Variants in AR observed in about 807,000 individuals in gnomAD.
AR encodes dihydrotestosterone receptor.
In AR, 8 loss-of-function variants were observed where a neutral mutation model predicts 53.9. That is an observed-to-expected ratio of 0.15 (90% confidence interval 0.09 to 0.27). The LOEUF (loss-of-function observed/expected upper bound fraction) is 0.27, where lower values mean the gene tolerates loss of function less well. Among genes scored for constraint, AR ranks in the 10% least tolerant of loss-of-function variants. The pLI, the probability that AR is intolerant of heterozygous loss-of-function variation, is 1.00. For synonymous variants in AR, 359 were observed against 316.4 expected, an observed-to-expected ratio of 1.13 and a Z score of -1.43; for missense variants, 639 against 742.5, an observed-to-expected ratio of 0.86 and a Z score of 1.62.
rs7054901 is a variant in AR at position 67,640,885 on chromosome X, C to G, written c.1617-2371C>G. ...AATAATCCCATCTTTGAAGTGCATC[C>G]TCATCTTTAGCAGTCTGCACTCTGC... is the stretch of plus-strand genomic sequence containing the variant. On this transcript the variant is annotated intron_variant, in intron 1 of 7. Transcript: ENST00000374690. 4.4e-3 allele frequency among the ~76,000 whole-genome samples: 487 copies of G among 111,397 alleles called. 2 individuals are homozygous for G. The highest frequency in any genetic ancestry group is 0.015 in the African/African-American group (468 of 30,718).
chrX:67,560,810 C>A (rs1921265796), intron 1 of AR, among the ~76,000 whole-genome samples: 1 of 111,316 alleles, frequency 9.0e-6, no homozygotes, highest in South Asian at 3.8e-4. Flanking sequence ...CAATACTATC[C>A]ATTCTTCTAT....
intron 2 of AR, among the ~76,000 whole-genome samples, chrX:67,665,068 T>G (rs779193859): frequency 2.9e-4 from 33 of 113,111 alleles, no homozygotes; most frequent in Non-Finnish European, 4.5e-4. Flanking sequence ...GCTTCCTGGG[T>G]GAGGCGATGT....
At chrX:67,714,109 G>T (rs1325678087) in intron 4 of AR, among the ~76,000 whole-genome samples, 2 of 111,746 alleles carry the variant, frequency 1.8e-5, no homozygotes, top group Non-Finnish European at 3.8e-5. Context: ...ATTAATAAAT[G>T]ATAACTGTTA....
chrX:67,577,993 C>T (rs1231174224), intron 1 of AR, among the ~76,000 whole-genome samples: 1 of 111,530 alleles, frequency 9.0e-6, no homozygotes, highest in African/African-American at 3.3e-5. Context: ...CCAGCAGAAT[C>T]TAAGTGACCT....
At chrX:67,603,934 T>C (rs1047946744) in intron 1 of AR, among the ~76,000 whole-genome samples, 4 of 110,869 alleles carry the variant, frequency 3.6e-5, no homozygotes, top group African/African-American at 9.8e-5. Flanking sequence ...TGGCATGGCA[T>C]GGTGCAAGGA....
rs186937097 is a variant in AR at position 67,618,473 on chromosome X, G to T, written c.1617-24783G>T. Among the ~76,000 whole-genome samples, 6 of 110,894 alleles carry T rather than the reference G, an allele frequency of 5.4e-5. No homozygotes were observed. The East Asian group carries it at 1.4e-3, about 26-fold the overall frequency. Reference sequence around the variant, plus strand: ...GACTTAAGAATGAGAGGAGAAGGAAGAAAAGAGGAGAAAATTTGAGGGAAA... The same window carrying T: ...GACTTAAGAATGAGAGGAGAAGGAATAAAAGAGGAGAAAATTTGAGGGAAA... On this transcript the variant is annotated intron_variant, in intron 1 of 7. Coordinates refer to ENST00000374690, the MANE Select transcript of AR (RefSeq NM_000044.6).
intron 1 of AR, among the ~76,000 whole-genome samples, chrX:67,619,331 C>CTGTGTG (rs749055716): frequency 1.9e-5 from 2 of 103,818 alleles, no homozygotes; most frequent in Non-Finnish European, 4.1e-5. Context: ...CTCTCTCTCT[C>CTGTGTG]TGTGTGTGTG....
At chrX:67,577,004 C>CTTTTTT (rs35442632) in intron 1 of AR, among the ~76,000 whole-genome samples, 1 of 90,818 alleles carries the variant, frequency 1.1e-5, no homozygotes, top group African/African-American at 4.1e-5. Flanking sequence ...CTCTCTCTCT[C>CTTTTTT]TTTTTTTTTT....
At chrX:67,552,890 T>G (rs2147329511) in intron 1 of AR, among the ~76,000 whole-genome samples, 1 of 112,411 alleles carries the variant, frequency 8.9e-6, no homozygotes, top group African/African-American at 3.2e-5. Flanking sequence ...TTGGGTTTTT[T>G]ATTATTGAGT....
chrX:67,714,255 T>C (rs2076104227), intron 4 of AR, among the ~76,000 whole-genome samples: 1 of 112,102 alleles, frequency 8.9e-6, no homozygotes, highest in African/African-American at 3.2e-5. Context: ...GTGTCCTCAT[T>C]TGTAAGATGA....
rs1458421317 is a variant in AR, at chrX:67,564,419, T to C, written c.1616+17657T>C. ...CAACTTTGAACTCCTCAGTGTATAATAGAGTAAGGGTGAGAGGGAAGGAGC... is the reference window on the plus strand; with the variant it reads ...CAACTTTGAACTCCTCAGTGTATAACAGAGTAAGGGTGAGAGGGAAGGAGC... On this transcript the variant is annotated intron_variant, in intron 1 of 7. Transcript: ENST00000374690. Among the ~76,000 whole-genome samples, 4 of 111,552 alleles carry C rather than the reference T, an allele frequency of 3.6e-5. No individual in the cohort carries two copies. The East Asian group carries it at 1.1e-3, about 32-fold the overall frequency.
rs1384445584 is a variant in AR at position 67,724,049 on chromosome X, A to G, written c.*208A>G. 16 of 451,803 alleles carry G rather than the reference A, an allele frequency of 3.5e-5. No individual in the cohort carries two copies. The highest frequency in any genetic ancestry group is 8.8e-5 in the Admixed American group (2 of 22,842). The allele number at this position is 451,803 out of a possible 1,213,427, so 37.2% of individuals were successfully genotyped here. ...CTTTTTCTTCTTCCCTCCCTATCTA[A>G]CCCTCCCATGGCACCTTCAGACTTT... is the stretch of plus-strand genomic sequence containing the variant. On this transcript the variant is annotated 3_prime_UTR_variant, in exon 8 of 8. Transcript: ENST00000374690.
intron 1 of AR, among the ~76,000 whole-genome samples, chrX:67,611,001 A>G (rs1436424502): frequency 8.9e-6 from 1 of 111,751 alleles, no homozygotes; most frequent in African/African-American, 3.2e-5. Flanking sequence ...TAGGGCTTTT[A>G]TGAGGATTTA....
chrX:67,627,494 T>G (rs1924747656), intron 1 of AR, among the ~76,000 whole-genome samples: 1 of 111,893 alleles, frequency 8.9e-6, no homozygotes, highest in South Asian at 3.8e-4. Flanking sequence ...TTTTTTCTTG[T>G]AAATTTGTTT....
chrX:67,658,353 C>G (rs1926689148), intron 2 of AR, among the ~76,000 whole-genome samples: 1 of 112,047 alleles, frequency 8.9e-6, no homozygotes, highest in Non-Finnish European at 1.9e-5. Context: ...GAAAAAGAAG[C>G]AGAGGAAGGG....
chrX:67,653,500 A>G (rs1351594819), intron 2 of AR, among the ~76,000 whole-genome samples: 1 of 111,583 alleles, frequency 9.0e-6, no homozygotes, highest in East Asian at 2.8e-4. Flanking sequence ...AAAGGTAGGA[A>G]GAGAACTTCA....
At chrX:67,657,077 A>T (rs746596235) in intron 2 of AR, among the ~76,000 whole-genome samples, 1 of 110,945 alleles carries the variant, frequency 9.0e-6, no homozygotes, top group Non-Finnish European at 1.9e-5. Context: ...ATTGATTTAA[A>T]TCAAAGCCCA....
chrX:67,631,907 G>A (rs1218349934), intron 1 of AR, among the ~76,000 whole-genome samples: 1 of 113,168 alleles, frequency 8.8e-6, no homozygotes, highest in Admixed American at 9.3e-5. Flanking sequence ...CGTGTGAGGT[G>A]TCAGTCTGCC....
chrX:67,628,855 G>T (rs918201559), intron 1 of AR, among the ~76,000 whole-genome samples: 1 of 111,619 alleles, frequency 9.0e-6, no homozygotes, highest in Middle Eastern at 4.7e-3. Flanking sequence ...AAGCGTTATT[G>T]AATTTTGTCA....
Sources: gnomAD v4.1 joint callset for allele counts (sites outside exome capture counted in the v4.1 genomes callset) on GRCh38, gnomAD v4.1.1 for gene constraint, MANE v1.5 for transcripts, NCBI Gene and HGNC (gene_info 2026-07-23, HGNC 2026-07-21) for gene names.